ABCC6: variants seen among roughly 807,000 people sequenced by gnomAD.
ABCC6 encodes the protein ATP binding cassette subfamily C member 6.
ABCC6 carries 126 observed loss-of-function variants against 169.5 expected under a neutral mutation model. That is an observed-to-expected ratio of 0.74 (90% confidence interval 0.64 to 0.86). The LOEUF is 0.86. Ranked by LOEUF, ABCC6 falls within the 40% of genes least tolerant of loss-of-function variation. The pLI is 0.00. For missense variants in ABCC6, 1,733 were observed against 1,927.2 expected, an observed-to-expected ratio of 0.90 and a Z score of 1.89; for synonymous variants, 752 against 814.7, an observed-to-expected ratio of 0.92 and a Z score of 1.31.
At chr16:16,193,463 A>G (rs1680216124) in intron 10 of ABCC6, among the ~76,000 whole-genome samples, 1 of 152,170 alleles carries the variant, frequency 6.6e-6, no homozygotes, top group Non-Finnish European at 1.5e-5. Flanking sequence ...CTGTAATACC[A>G]GCACTTTGGG....
intron 23 of ABCC6, 99 bp downstream of exon 23, chr16:16,165,524 C>T (rs2046844983): frequency 7.4e-7 from 1 of 1,344,108 alleles, no homozygotes; most frequent in Admixed American, 1.9e-5. Context: ...CCTAGATGTC[C>T]AGCTGGGTGA....
chr16:16,190,477 C>G (rs1385449901), intron 11 of ABCC6, 110 bp from the exon 12 acceptor site: 1 of 1,213,808 alleles, frequency 8.2e-7, no homozygotes, highest in African/African-American at 1.5e-5. Flanking sequence ...AAACTGCGTC[C>G]CAAACCTGTC....
At chr16:16,175,867 C>T (rs1463425441) in intron 20 of ABCC6, 44 bp downstream of exon 20, 1 of 1,611,204 alleles carries the variant, frequency 6.2e-7, no homozygotes, top group Non-Finnish European at 8.5e-7. Context: ...GCTACTTCAG[C>T]TTCAGCCTGT....
chr16:16,157,218 G>T (rs943468909), intron 27 of ABCC6, among the ~76,000 whole-genome samples: 1 of 152,110 alleles, frequency 6.6e-6, no homozygotes, highest in African/African-American at 2.4e-5. Flanking sequence ...CATGTTCTAT[G>T]TATTAACTCA....
At chr16:16,173,696 CTTTT>C (rs763177730) in intron 20 of ABCC6, among the ~76,000 whole-genome samples, 1 of 139,234 alleles carries the variant, frequency 7.2e-6, no homozygotes, top group Admixed American at 7.3e-5. Flanking sequence ...TCAGAATTTT[CTTTT>C]TTTTTTTTTT....
At chr16:16,192,029 A>G (rs1025166116) in intron 11 of ABCC6, among the ~76,000 whole-genome samples, 1 of 152,034 alleles carries the variant, frequency 6.6e-6, no homozygotes, top group Non-Finnish European at 1.5e-5. Context: ...AGCAAAAACA[A>G]TCCCAGGGCA....
rs2046483103 is a variant in ABCC6 at position 16,154,657 on chromosome 16, G to A, written c.4179C>T (p.Tyr1393=). Residue 1393 remains tyrosine (Y), a synonymous_variant, in exon 29 of 31, where the codon TAC becomes TAT. Transcript: ENST00000205557. ...LVASLPGQLQ[Y]KCADRGEDLS... Reference sequence around the variant, plus strand: ...GGTCCTCGCCTCGGTCAGCACACTTGTACTGCAGCTGGCCGGGCAGGCTGG... The same window carrying A: ...GGTCCTCGCCTCGGTCAGCACACTTATACTGCAGCTGGCCGGGCAGGCTGG... 6.2e-7 allele frequency: 1 copy of A among 1,612,738 alleles called. No homozygotes were observed. Among genetic ancestry groups the A allele is most frequent in the Admixed American group, 1.7e-5 (1 of 59,976 alleles).
intron 29 of ABCC6, among the ~76,000 whole-genome samples, chr16:16,151,036 TTC>T (rs1287275305): frequency 6.6e-6 from 1 of 152,214 alleles, no homozygotes; most frequent in Non-Finnish European, 1.5e-5. Context: ...ATTTTCTTTT[TTC>T]TGTTTATGGC....
chr16:16,169,479 TTCCC>T (rs2046987104), intron 22 of ABCC6, among the ~76,000 whole-genome samples, 163 bp downstream of exon 22: 1 of 152,142 alleles, frequency 6.6e-6, no homozygotes, highest in Non-Finnish European at 1.5e-5. Flanking sequence ...GTCCTTCCCG[TTCCC>T]TCCAGCCTCA....
chr16:16,190,254 C>G lies in ABCC6; in HGVS notation c.1545G>C (p.Leu515=), dbSNP rs2047803222. 6.2e-7 allele frequency: 1 copy of G among 1,614,090 alleles called. No individual in the cohort carries two copies. The highest frequency in any genetic ancestry group is 1.7e-5 in the Admixed American group (1 of 60,008). ...CGCCCAGCTCCTGGCCTCGGATGCC[C>G]AGGACTCTGTCCAGAAAGGCTCCCT... is the stretch of plus-strand genomic sequence containing the variant. ...GWEGAFLDRV[L]GIRGQELGAL... is the part of the protein sequence containing the mutation. Residue 515 remains leucine, a synonymous_variant, in exon 12 of 31, where the codon CTG becomes CTC. Coordinates refer to ENST00000205557, the MANE Select transcript of ABCC6 (RefSeq NM_001171.6).
chr16:16,169,712 C>T lies in ABCC6; in HGVS notation c.2929G>A (p.Val977Ile), dbSNP rs2046996043. 6.2e-7 allele frequency: 1 copy of T among 1,611,244 alleles called. No homozygotes were observed. Among genetic ancestry groups the T allele is most frequent in the South Asian group, 1.1e-5 (1 of 90,772 alleles). The change falls in exon 22 of 31, where the codon GTA (valine) becomes ATA (isoleucine). Residue 977 changes from valine to isoleucine, a missense_variant. Physicochemically the swap from Val to Ile is conservative, Grantham distance 29 (BLOSUM62 3). Coordinates refer to ENST00000205557, the MANE Select transcript of ABCC6 (RefSeq NM_001171.6). ...WLSLWADDPA[V>I]GGQQTQAALR... is the part of the protein sequence containing the mutation. ...GCTGCCTGCGTCTGCTGCCCACCTACTGCAGGGTCGTCCGCCCACAGGCTC... is the reference window on the plus strand; with the variant it reads ...GCTGCCTGCGTCTGCTGCCCACCTATTGCAGGGTCGTCCGCCCACAGGCTC...
chr16:16,171,949 TAA>T (rs1375252185), intron 21 of ABCC6, among the ~76,000 whole-genome samples: 1 of 96,870 alleles, frequency 1.0e-5, no homozygotes, highest in African/African-American at 4.3e-5. Context: ...GTGGGATGGA[TAA>T]ATGAGTGGTT....
chr16:16,155,264 C>T (rs1306614964), intron 27 of ABCC6: 1 of 599,636 alleles, frequency 1.7e-6, no homozygotes, highest in Non-Finnish European at 2.9e-6. Context: ...TCTCTCCCAT[C>T]TTTCTCCCCA....
intron 14 of ABCC6, among the ~76,000 whole-genome samples, chr16:16,186,254 G>C (rs2047651638): frequency 6.6e-6 from 1 of 152,156 alleles, no homozygotes; most frequent in African/African-American, 2.4e-5. Context: ...TCGTGCAATG[G>C]TGCTTGAAAT....
rs72653769 is a variant in ABCC6 at position 16,190,315 on chromosome 16, A to T, written c.1484T>A (p.Leu495His). 1.1e-5 allele frequency: 18 copies of T among 1,614,136 alleles called. No individual in the cohort carries two copies. The highest frequency in any genetic ancestry group is 1.4e-5 in the Non-Finnish European group (17 of 1,180,018). ...GAACTTGATGGTCTTCGAGTTCCTG[A>T]GGATAGAGCTGGTGAGCCGTGCCCG... ...DSRARLTSSILRNSKTIKFHG... is the reference protein window; with the variant it reads ...DSRARLTSSIHRNSKTIKFHG... Residue 495 changes from leucine to histidine, a missense_variant, in exon 12 of 31, where the codon CTC (leucine) becomes CAC (histidine). Coordinates refer to ENST00000205557, the MANE Select transcript of ABCC6 (RefSeq NM_001171.6).
At chr16:16,197,782 C>G (rs1041146085) in intron 10 of ABCC6, among the ~76,000 whole-genome samples, 1 of 151,304 alleles carries the variant, frequency 6.6e-6, no homozygotes, top group African/African-American at 2.4e-5. Flanking sequence ...GCTTCTACAC[C>G]AGGAATGGAA....
At chr16:16,175,847 G>T in intron 20 of ABCC6, 64 bp downstream of exon 20, 1 of 1,573,164 alleles carries the variant, frequency 6.4e-7, no homozygotes, top group Non-Finnish European at 8.7e-7. Flanking sequence ...AGATGCGGGT[G>T]GTCCCTTCAG....
In ABCC6 at chr16:16,192,903, A is replaced by G. The variant is rs879096025; in HGVS notation, c.1358T>C (p.Leu453Pro). 3.1e-6 allele frequency: 5 copies of G among 1,614,120 alleles called. No homozygotes were observed. The South Asian group carries it at 4.4e-5, about 14-fold the overall frequency. The change falls in exon 11 of 31, where the codon CTC becomes CCC. Residue 453 changes from leucine to proline, a missense_variant. Physicochemically the swap from Leu to Pro is moderately conservative, Grantham distance 98. Transcript: ENST00000205557. ...YLWQLLGPSALTAIAVFLSLL... is the reference protein window; with the variant it reads ...YLWQLLGPSAPTAIAVFLSLL... ...GCTCAGGAAGACAGCGATGGCAGTG[A>G]GGGCGGAGGGCCCCAGGAGCTGGGG...
At chr16:16,207,362 A>G (rs1239255001) in intron 7 of ABCC6, among the ~76,000 whole-genome samples, 1 of 152,210 alleles carries the variant, frequency 6.6e-6, no homozygotes, top group Admixed American at 6.5e-5. Context: ...ACGTTAGGAG[A>G]GAGATGCTCT....
Sources: gnomAD v4.1 joint callset for allele counts (sites outside exome capture counted in the v4.1 genomes callset) on GRCh38, gnomAD v4.1.1 for gene constraint, MANE v1.5 for transcripts, NCBI Gene and HGNC (gene_info 2026-07-23, HGNC 2026-07-21) for gene names.